The following ZNF761 variants were observed in gnomAD, a reference collection of about 807,000 sequenced individuals.
ZNF761 encodes zinc finger protein 761.
In ZNF761, 43 loss-of-function variants were observed where a neutral mutation model predicts 59.9. That is an observed-to-expected ratio of 0.72 (90% CI 0.56 to 0.92). The LOEUF (loss-of-function observed/expected upper bound fraction) is 0.92, where lower values mean the gene tolerates loss of function less well. ZNF761 is among the 40% of genes least tolerant of loss of function. ZNF761 has a pLI of 0.00. For missense variants in ZNF761, 850 were observed against 906.1 expected (o/e 0.94, Z 0.79); for synonymous variants, 294 against 304.8 (o/e 0.96, Z 0.37).
In ZNF761 at chr19:53,454,807, A is replaced by G. The variant is rs141314537; in HGVS notation, c.300A>G (p.Gln100=). 42 of 1,614,082 alleles carry G rather than the reference A, an allele frequency of 2.6e-5. No homozygotes were observed. Among genetic ancestry groups the G allele is most frequent in the East Asian group, 1.3e-4 (6 of 44,880 alleles). ...AAGATATTCATGACTATGAATTTCA[A>G]TGGCAAGAAGATGAAAGAAATGGCC... ...VDKDIHDYEF[Q]WQEDERNGHE... Residue 100 remains glutamine (Q), a synonymous_variant, in exon 5 of 5, where the codon CAA becomes CAG. Coordinates refer to ENST00000684525, the MANE Select transcript of ZNF761 (RefSeq NM_001289951.2).
chr19:53,456,851 C>A lies in ZNF761; in HGVS notation c.*103C>A. 7.5e-7 allele frequency: 1 copy of A among 1,324,870 alleles called. No individual in the cohort carries two copies. The highest frequency in any genetic ancestry group is 1.1e-6 in the Non-Finnish European group (1 of 941,220). 82.1% of individuals were successfully genotyped at this position (1,324,870 alleles called of 1,614,324 possible). On this transcript the variant is annotated 3_prime_UTR_variant, in exon 5 of 5. Transcript: ENST00000684525. Reference sequence around the variant, plus strand: ...AATGTGAAGCATGTGATAAAGTTTACAGTGGCAAATCAAGCCTCAGAAGAC... The same window carrying A: ...AATGTGAAGCATGTGATAAAGTTTAAAGTGGCAAATCAAGCCTCAGAAGAC...
In ZNF761 at chr19:53,456,670, T is replaced by C. The variant is rs368292136; in HGVS notation, c.2163T>C (p.Asn721=). Residue 721 remains asparagine (N), a synonymous_variant, in exon 5 of 5, where the codon AAT becomes AAC. Coordinates refer to ENST00000684525, the MANE Select transcript of ZNF761 (RefSeq NM_001289951.2). The stretch of plus-strand genomic sequence containing the variant: ...CTGGAGAGAAACCTTACAAGTGTAA[T>C]GAGTGTGGCAAGACCTTTAGTCAGA... ...LHTGEKPYKC[N]ECGKTFSQKS... The C allele has an allele frequency of 8.1e-6, 13 of 1,613,156 alleles. No individual in the cohort carries two copies. In the Admixed American group the frequency reaches 8.3e-5, roughly 10 times the overall value.
chr19:53,432,891 A>G (rs11084244), intron 1 of ZNF761, among the ~76,000 whole-genome samples: 78,347 of 146,632 alleles, frequency 0.53, 21,104 homozygotes, highest in East Asian at 0.72. Context: ...AGGGAGAGGG[A>G]CAGCAAAGAG....
intron 3 of ZNF761, among the ~76,000 whole-genome samples, chr19:53,448,892 C>G (rs538124555): frequency 6.6e-6 from 1 of 152,014 alleles, no homozygotes; most frequent in Non-Finnish European, 1.5e-5. Context: ...CCTGCATCAG[C>G]CTCCCATGTA....
At chr19:53,439,394 C>G (rs1292749837) in intron 1 of ZNF761, among the ~76,000 whole-genome samples, 4 of 152,000 alleles carry the variant, frequency 2.6e-5, no homozygotes, top group Non-Finnish European at 5.9e-5. Flanking sequence ...TAAGCTCTGC[C>G]TCCCTGGTTC....
chr19:53,440,626 T>G (rs1360900828), intron 1 of ZNF761, among the ~76,000 whole-genome samples: 1 of 152,096 alleles, frequency 6.6e-6, no homozygotes, highest in Admixed American at 6.6e-5. Context: ...AGTGGGGCAA[T>G]GAAGTGGGAA....
At chr19:53,449,763 A>G (rs538934955) in intron 4 of ZNF761, 125 bp downstream of exon 4, 36 of 1,519,064 alleles carry the variant, frequency 2.4e-5, no homozygotes, top group Non-Finnish European at 3.2e-5. Flanking sequence ...ATCATGGCTC[A>G]CTGCAGTCTT....
At chr19:53,444,640 C>A (rs2086135853) in intron 1 of ZNF761, 1 of 152,234 alleles carries the variant, frequency 6.6e-6, no homozygotes, top group African/African-American at 2.4e-5. Flanking sequence ...ATGCTGAGCG[C>A]CGGTCCTCTG....
intron 2 of ZNF761, among the ~76,000 whole-genome samples, 158 bp downstream of exon 2, chr19:53,446,495 CT>C (rs1568808005): frequency 6.6e-6 from 1 of 152,172 alleles, no homozygotes. Flanking sequence ...CCTGCCTCCA[CT>C]TCCTGAGTAG....
chr19:53,455,256 T>A lies in ZNF761; in HGVS notation c.749T>A (p.Leu250His). ...DKYKCDVCGK[L>H]FNQKRNLACH... ...TATAAATGTGATGTATGTGGCAAGCTCTTTAATCAGAAGCGAAACCTAGCA... is the reference window on the plus strand; with the variant it reads ...TATAAATGTGATGTATGTGGCAAGCACTTTAATCAGAAGCGAAACCTAGCA... Residue 250 changes from leucine (L) to histidine (H), a missense_variant, in exon 5 of 5, where the codon CTC (leucine) becomes CAC (histidine). Coordinates refer to ENST00000684525, the MANE Select transcript of ZNF761 (RefSeq NM_001289951.2). 6.2e-7 allele frequency: 1 copy of A among 1,614,220 alleles called. No individual in the cohort carries two copies.
rs1409072129 is a variant in ZNF761, at chr19:53,454,915, TAAAG to T, written c.410_413del (p.Lys137IlefsTer28). 2 of 1,614,028 alleles carry T rather than the reference TAAAG, an allele frequency of 1.2e-6. No individual in the cohort carries two copies. The highest frequency in any genetic ancestry group is 2.7e-5 in the African/African-American group (2 of 74,916). On this transcript the variant is annotated frameshift_variant, in exon 5 of 5. Coordinates refer to ENST00000684525, the MANE Select transcript of ZNF761 (RefSeq NM_001289951.2). LOFTEE classifies it high-confidence loss of function. Reference sequence around the variant, plus strand: ...AAAGTCATGCTAGAAACAAGCCTATTAAAGATCAGCTTGGATCAAGCTTTCATTC... The same window carrying T: ...AAAGTCATGCTAGAAACAAGCCTATTATCAGCTTGGATCAAGCTTTCATTC...
rs1277366984 is a variant in ZNF761, at chr19:53,455,321, T to C, written c.814T>C (p.Cys272Arg). The C allele has an allele frequency of 1.2e-6, 2 of 1,614,216 alleles. No homozygotes were observed. The highest frequency in any genetic ancestry group is 2.2e-5 in the East Asian group (1 of 44,878). ...RCHTGENPYK[C>R]NECGKTFSQT... ...TCACACTGGTGAGAATCCTTACAAG[T>C]GTAATGAGTGTGGCAAGACCTTCAG... Residue 272 changes from cysteine to arginine, a missense_variant, in exon 5 of 5, where the codon TGT (cysteine) becomes CGT (arginine). Physicochemically the swap from Cys to Arg is radical, Grantham distance 180 (BLOSUM62 -3). Coordinates refer to ENST00000684525, the MANE Select transcript of ZNF761 (RefSeq NM_001289951.2).
chr19:53,454,934 A>C lies in ZNF761; in HGVS notation c.427A>C (p.Ser143Arg). The change falls in exon 5 of 5, where the codon AGC becomes CGC. Residue 143 changes from serine to arginine, a missense_variant. Transcript: ENST00000684525. ...NKPIKDQLGS[S>R]FHSHLPEMHI... is the part of the protein sequence containing the mutation. The stretch of plus-strand genomic sequence containing the variant: ...GCCTATTAAAGATCAGCTTGGATCA[A>C]GCTTTCATTCGCATCTGCCTGAAAT... 1 of 1,614,198 alleles carries C rather than the reference A, an allele frequency of 6.2e-7. No homozygotes were observed. The highest frequency in any genetic ancestry group is 8.5e-7 in the Non-Finnish European group (1 of 1,180,030).
intron 1 of ZNF761, among the ~76,000 whole-genome samples, chr19:53,435,211 TATAAC>T (rs1473876822): frequency 6.6e-6 from 1 of 151,412 alleles, no homozygotes; most frequent in Non-Finnish European, 1.5e-5. Flanking sequence ...ATCTTGGGGT[TATAAC>T]ATACATAAGG....
At chr19:53,435,493 G>A (rs2086031271) in intron 1 of ZNF761, among the ~76,000 whole-genome samples, 1 of 151,498 alleles carries the variant, frequency 6.6e-6, no homozygotes, top group African/African-American at 2.4e-5. Flanking sequence ...TATTCAATAC[G>A]GGGTTCTCCA....
chr19:53,447,141 C>G (rs1292737093), intron 2 of ZNF761, 55 bp from the exon 3 acceptor site: 44 of 1,236,288 alleles, frequency 3.6e-5, no homozygotes, highest in Non-Finnish European at 4.8e-5. Flanking sequence ...TGGTTGTGTT[C>G]CACGGAGGTG....
chr19:53,438,066 A>T (rs10421048), intron 1 of ZNF761, among the ~76,000 whole-genome samples: 1 of 87,396 alleles, frequency 1.1e-5, no homozygotes, highest in Admixed American at 1.3e-4. Flanking sequence ...TCTCATTGGG[A>T]AATACCTCGT....
intron 4 of ZNF761, chr19:53,450,491 C>T (rs913327845): frequency 3.3e-5 from 5 of 152,066 alleles, no homozygotes; most frequent in Non-Finnish European, 7.4e-5. Context: ...GATTTTGTTA[C>T]ATATTATCTG....
chr19:53,432,694 T>C (rs1241682179), intron 1 of ZNF761, among the ~76,000 whole-genome samples: 1 of 151,616 alleles, frequency 6.6e-6, no homozygotes, highest in Non-Finnish European at 1.5e-5. Context: ...CAGAGAGCAG[T>C]GGAAAACCTG....
Sources: allele counts gnomAD v4.1 joint callset (sites outside exome capture counted in the v4.1 genomes callset), GRCh38; gene constraint gnomAD v4.1.1; transcripts MANE v1.5; gene names NCBI Gene and HGNC (gene_info 2026-07-23, HGNC 2026-07-21).